The following DRG1 variants were observed in gnomAD, a reference collection of about 807,000 sequenced individuals.
The protein encoded by DRG1 is developmentally regulated GTP binding protein 1, also known as developmentally-regulated GTP-binding protein 1.
DRG1 carries 19 observed loss-of-function variants against 38.8 expected under a neutral mutation model. The observed-to-expected ratio is 0.49, with a 90% CI of 0.34 to 0.72. The LOEUF is 0.72. Among genes scored for constraint, DRG1 ranks in the 30% least tolerant of loss-of-function variants. The pLI is 0.01. For missense variants in DRG1, 299 were observed against 444.8 expected (o/e 0.67, Z 2.95); for synonymous variants, 167 against 157.5 (o/e 1.06, Z -0.45).
intron 4 of DRG1, among the ~76,000 whole-genome samples, chr22:31,413,597 T>A (rs1380608636): frequency 2.1e-5 from 3 of 145,586 alleles, no homozygotes; most frequent in Non-Finnish European, 3.0e-5. Flanking sequence ...CTTAGACTCC[T>A]ACCTATTGTG....
Position 31,403,212 on chromosome 22 carries a change from A to T in DRG1, c.342+8A>T, listed in dbSNP as rs775476734. 2.5e-6 allele frequency: 4 copies of T among 1,596,840 alleles called. No individual in the cohort carries two copies. The highest frequency in any genetic ancestry group is 3.4e-6 in the Non-Finnish European group (4 of 1,172,232). On this transcript the variant is annotated splice_region_variant and intron_variant, in intron 3 of 8. Transcript: ENST00000331457. ...AAAGGTGCCAAGATCCAGGTGAGTC[A>T]AGCCTGCAGACTAAGGAAGGAAAGA...
At chr22:31,405,862 A>G (rs1393207867) in intron 3 of DRG1, among the ~76,000 whole-genome samples, 1 of 150,852 alleles carries the variant, frequency 6.6e-6, no homozygotes, top group African/African-American at 2.4e-5. Context: ...CTAATTTTGT[A>G]TTTTTAGTAG....
At chr22:31,404,262 T>G (rs2049977996) in intron 3 of DRG1, among the ~76,000 whole-genome samples, 1 of 151,542 alleles carries the variant, frequency 6.6e-6, no homozygotes, top group South Asian at 2.1e-4. Context: ...TTTTTTTTTT[T>G]TGAGACAGAG....
At position 31,405,679 on chromosome 22, in the gene DRG1, G is replaced by C. The variant is rs757114536; in HGVS notation, c.342+2475G>C. Among the ~76,000 whole-genome samples the C allele has an allele frequency of 3.1e-3, 447 of 146,362 alleles. 6 individuals carry two copies. The highest frequency in any genetic ancestry group is 5.0e-3 in the Non-Finnish European group (330 of 65,584). On this transcript the variant is annotated intron_variant, in intron 3 of 8. Transcript: ENST00000331457. ...CATACTGTTGGGCATGTGTGTGTGT[G>C]TGGGGGGGTTTATTTATTTTTTTAT...
At chr22:31,423,867 T>TC (rs1378005814) in intron 6 of DRG1, among the ~76,000 whole-genome samples, 47 of 146,374 alleles carry the variant, frequency 3.2e-4, no homozygotes, top group Admixed American at 1.6e-3. Context: ...TGGTTTCTTT[T>TC]TTTTTTTTTT....
At chr22:31,411,530 C>CTTT (rs71319191) in intron 4 of DRG1, among the ~76,000 whole-genome samples, 3 of 129,804 alleles carry the variant, frequency 2.3e-5, no homozygotes, top group Admixed American at 8.1e-5. Context: ...TCTGTCTTTT[C>CTTT]TTTTTTTTTT....
chr22:31,400,492 T>C lies in DRG1; in HGVS notation c.43-128T>C. 19 of 1,212,074 alleles carry C rather than the reference T, an allele frequency of 1.6e-5. No homozygotes were observed. In the South Asian group the frequency reaches 2.7e-4, roughly 17 times the overall value. The allele number at this position is 1,212,074 out of a possible 1,614,324, so 75.1% of individuals were successfully genotyped here. On this transcript the variant is annotated intron_variant, in intron 1 of 8. Transcript: ENST00000331457. ...AGCTGGATGGAGGAGATAATGGACT[T>C]TTACTCTTTTAAAGCCTGTAAACTG...
In DRG1 at chr22:31,418,513, A is replaced by AT. The variant is rs34122959; in HGVS notation, c.413-1732dup. Among the ~76,000 whole-genome samples the AT allele has an allele frequency of 3.4e-4, 50 of 147,908 alleles. No homozygotes were observed. In the South Asian group the frequency reaches 4.7e-3, roughly 14 times the overall value. On this transcript the variant is annotated intron_variant, in intron 4 of 8. Coordinates refer to ENST00000331457, the MANE Select transcript of DRG1 (RefSeq NM_004147.4). ...ACTAGAAAGTTGATGGAAGCAGAAT[A>AT]TTTTTTTTTTTCTGAGATGGCGCTC...
chr22:31,412,975 CAT>C (rs1478819297), intron 4 of DRG1, among the ~76,000 whole-genome samples: 2 of 151,948 alleles, frequency 1.3e-5, no homozygotes, highest in East Asian at 1.9e-4. Context: ...CATGATGACT[CAT>C]ATCTTTCATT....
Position 31,399,628 on chromosome 22 carries a change from T to C in DRG1, c.-56T>C. On this transcript the variant is annotated 5_prime_UTR_variant, in exon 1 of 9. Transcript: ENST00000331457. Reference sequence around the variant, plus strand: ...CAGTAGCGCCTGGTGGCGGTGGCAGTTTGCCCGCGGGTGTGTGAAGGGAGA... The same window carrying C: ...CAGTAGCGCCTGGTGGCGGTGGCAGCTTGCCCGCGGGTGTGTGAAGGGAGA... 1 of 1,612,078 alleles carries C rather than the reference T, an allele frequency of 6.2e-7. No individual in the cohort carries two copies. The highest frequency in any genetic ancestry group is 1.3e-5 in the African/African-American group (1 of 74,976).
intron 4 of DRG1, among the ~76,000 whole-genome samples, chr22:31,417,926 G>A (rs1442076953): frequency 2.0e-5 from 3 of 150,686 alleles, no homozygotes; most frequent in East Asian, 2.0e-4. Context: ...GGAGGCAGAG[G>A]TTGTGAGCTG....
chr22:31,400,802 T>TTA, intron 2 of DRG1, 59 bp downstream of exon 2: 1 of 1,559,598 alleles, frequency 6.4e-7, no homozygotes, highest in Non-Finnish European at 8.7e-7. Flanking sequence ...AAATAGTACA[T>TTA]ACATGTGGTT....
At chr22:31,415,109 C>T (rs1048981879) in intron 4 of DRG1, among the ~76,000 whole-genome samples, 5 of 151,960 alleles carry the variant, frequency 3.3e-5, no homozygotes, top group African/African-American at 4.8e-5. Flanking sequence ...GGTAGAATCT[C>T]GATATATTGC....
Position 31,403,195 on chromosome 22 carries a change from C to A in DRG1, c.333C>A (p.Ala111=). 6.2e-7 allele frequency: 1 copy of A among 1,608,572 alleles called. No individual in the cohort carries two copies. The highest frequency in any genetic ancestry group is 8.5e-7 in the Non-Finnish European group (1 of 1,177,894). ...TVPGVIRYKG[A]KIQLLDLPGI... ...CTGGTGTCATCAGATACAAAGGTGCCAAGATCCAGGTGAGTCAAGCCTGCA... is the reference window on the plus strand; with the variant it reads ...CTGGTGTCATCAGATACAAAGGTGCAAAGATCCAGGTGAGTCAAGCCTGCA... The change falls in exon 3 of 9, where the codon GCC becomes GCA. Residue 111 remains alanine (A), a synonymous_variant. Coordinates refer to ENST00000331457, the MANE Select transcript of DRG1 (RefSeq NM_004147.4).
rs695603 is a variant in DRG1, at chr22:31,433,272, A to ATTTTT, written c.1005-587_1005-583dup. 1.2e-3 allele frequency among the ~76,000 whole-genome samples: 156 copies of ATTTTT among 132,630 alleles called. 2 individuals are homozygous for ATTTTT. The highest frequency in any genetic ancestry group is 2.2e-3 in the South Asian group (9 of 4,142). The allele number at this position is 132,630 out of a possible 152,430, so 87.0% of individuals were successfully genotyped here. ...ATTTCTCTATGAAGATTAAAGACGG[A>ATTTTT]TTTTTTTTTTTTTTTTTGAGGCGGA... On this transcript the variant is annotated intron_variant, in intron 8 of 8. Transcript: ENST00000331457.
intron 4 of DRG1, among the ~76,000 whole-genome samples, chr22:31,418,674 ATTATTTATTTAT>A (rs1007849238): frequency 6.6e-6 from 1 of 151,284 alleles, no homozygotes; most frequent in African/African-American, 2.4e-5. Context: ...TGGCCAGCTA[ATTATTTATTTAT>A]TTATTTATTT....
At position 31,426,713 on chromosome 22, in the gene DRG1, C is replaced by T. The variant is rs996576037; in HGVS notation, c.812C>T (p.Ser271Phe). The change falls in exon 7 of 9, where the codon TCT (serine) becomes TTT (phenylalanine). Residue 271 changes from serine to phenylalanine, a missense_variant. Around this residue, in one of 3 missense-constraint regions of DRG1, gnomAD observed 198 missense variants for 268.1 expected, o/e 0.74. Coordinates refer to ENST00000331457, the MANE Select transcript of DRG1 (RefSeq NM_004147.4). Reference protein sequence around the residue: ...IYKVPHCVPISAHHRWNFDDL... With the variant: ...IYKVPHCVPIFAHHRWNFDDL... Reference sequence around the variant, plus strand: ...AAGGTGCCTCACTGTGTACCCATCTCTGCCCATCACCGCTGGAATTTTGAT... The same window carrying T: ...AAGGTGCCTCACTGTGTACCCATCTTTGCCCATCACCGCTGGAATTTTGAT... 2 of 1,614,078 alleles carry T rather than the reference C, an allele frequency of 1.2e-6. No homozygotes were observed. The highest frequency in any genetic ancestry group is 1.3e-5 in the African/African-American group (1 of 74,930).
intron 4 of DRG1, among the ~76,000 whole-genome samples, chr22:31,413,667 T>G (rs1326535175): frequency 7.6e-6 from 1 of 131,760 alleles, no homozygotes; most frequent in Admixed American, 9.6e-5. Context: ...CAGGCTGGAG[T>G]GCAATGGTGC....
chr22:31,411,953 T>G (rs2050020498), intron 4 of DRG1, among the ~76,000 whole-genome samples: 1 of 152,042 alleles, frequency 6.6e-6, no homozygotes. Flanking sequence ...CTTTTTTTTG[T>G]TTTTTGATAA....
Sources: allele counts gnomAD v4.1 joint callset (sites outside exome capture counted in the v4.1 genomes callset), GRCh38; gene constraint gnomAD v4.1.1; regional missense constraint gnomAD v4.1.1; transcripts MANE v1.5; gene names NCBI Gene and HGNC (gene_info 2026-07-23, HGNC 2026-07-21).